Variants in PLCE1 observed in about 807,000 individuals in gnomAD.
PLCE1 encodes the protein phospholipase C epsilon 1.
In PLCE1, 119 loss-of-function variants were observed where a neutral mutation model predicts 242.8. That is an observed-to-expected ratio of 0.49 (90% CI 0.42 to 0.57). The LOEUF (loss-of-function observed/expected upper bound fraction) is 0.57. Among genes scored for constraint, PLCE1 ranks in the 20% least tolerant of loss-of-function variants. PLCE1 has a pLI of 0.00. For synonymous variants in PLCE1, 945 were observed against 1,017.4 expected (o/e 0.93, Z 1.35); for missense variants, 2,441 against 2,788.8 (o/e 0.88, Z 2.81).
intron 8 of PLCE1, among the ~76,000 whole-genome samples, chr10:94,251,360 C>T (rs918614835): frequency 2.6e-5 from 4 of 152,168 alleles, no homozygotes; most frequent in African/African-American, 9.7e-5. Flanking sequence ...CACACACACA[C>T]AAAGCTTCTT....
chr10:94,175,324 T>A (rs1242339607), intron 4 of PLCE1, among the ~76,000 whole-genome samples: 1 of 152,194 alleles, frequency 6.6e-6, no homozygotes, highest in African/African-American at 2.4e-5. Context: ...TACTTCTCTT[T>A]CTGATTTTTA....
intron 2 of PLCE1, among the ~76,000 whole-genome samples, chr10:94,044,813 A>ATT (rs140708317): frequency 1.1e-4 from 16 of 151,774 alleles, no homozygotes; most frequent in Non-Finnish European, 1.9e-4. Context: ...CAAAACTTCG[A>ATT]TTTTTTTTTC....
Position 94,031,359 on chromosome 10 carries a change from A to T in PLCE1, c.313A>T (p.Asn105Tyr). ...AGATTCTGCGAAAAACCTTAACATT[A>T]ACTGCAACAACATATTGAGAAACCA... ...MPDSAKNLNI[N>Y]CNNILRNHQH... The change falls in exon 2 of 33, where the codon AAC becomes TAC. Residue 105 changes from asparagine (N) to tyrosine (Y), a missense_variant. Asn to Tyr is a moderately radical substitution (Grantham distance 143, BLOSUM62 -2). Around this residue, in one of 5 missense-constraint regions of PLCE1, gnomAD observed 393 missense variants for 378.5 expected, o/e 1.04. Coordinates refer to ENST00000371380, the MANE Select transcript of PLCE1 (RefSeq NM_016341.4). The T allele has an allele frequency of 6.2e-7, 1 of 1,613,886 alleles. No homozygotes were observed. The highest frequency in any genetic ancestry group is 8.5e-7 in the Non-Finnish European group (1 of 1,179,832).
chr10:94,288,722 G>A (rs905440938), intron 22 of PLCE1, among the ~76,000 whole-genome samples: 1 of 152,076 alleles, frequency 6.6e-6, no homozygotes, highest in Non-Finnish European at 1.5e-5. Flanking sequence ...GGTGAGGCTC[G>A]TCCGGAAGAT....
At chr10:94,144,376 T>C (rs2047055774) in intron 3 of PLCE1, among the ~76,000 whole-genome samples, 1 of 152,138 alleles carries the variant, frequency 6.6e-6, no homozygotes, top group Admixed American at 6.5e-5. Context: ...TGGAGGTTCA[T>C]TTGACTACAG....
chr10:94,270,644 G>A, intron 18 of PLCE1, 42 bp downstream of exon 18: 2 of 1,160,466 alleles, frequency 1.7e-6, no homozygotes, highest in Non-Finnish European at 2.6e-6. Context: ...GTTGGCCCTT[G>A]TTTTGCAATT....
intron 19 of PLCE1, among the ~76,000 whole-genome samples, chr10:94,277,273 A>G (rs2051989790): frequency 1.3e-5 from 2 of 152,178 alleles, no homozygotes; most frequent in Non-Finnish European, 2.9e-5. Context: ...CACTGCGGCT[A>G]GGTACTGGGG....
intron 2 of PLCE1, among the ~76,000 whole-genome samples, chr10:94,067,475 G>A (rs533341283): frequency 3.8e-4 from 58 of 152,272 alleles, no homozygotes; most frequent in African/African-American, 1.3e-3. Flanking sequence ...TTAAAAGCCA[G>A]AGTTTTTGTT....
intron 7 of PLCE1, among the ~76,000 whole-genome samples, chr10:94,241,597 CTGGCCAAGA>C (rs1162441435): frequency 6.6e-6 from 1 of 152,102 alleles, no homozygotes; most frequent in Non-Finnish European, 1.5e-5. Flanking sequence ...CAAGACCAGC[CTGGCCAAGA>C]TGGTGAAACC....
At chr10:94,032,490 A>G (rs1173967924) in intron 2 of PLCE1, among the ~76,000 whole-genome samples, 2 of 152,116 alleles carry the variant, frequency 1.3e-5, no homozygotes, top group African/African-American at 4.8e-5. Flanking sequence ...GAGTGGAGGA[A>G]TTAGGGAGAT....
At chr10:94,285,621 G>C (rs1051739392) in intron 22 of PLCE1, among the ~76,000 whole-genome samples, 1 of 152,114 alleles carries the variant, frequency 6.6e-6, no homozygotes, top group African/African-American at 2.4e-5. Flanking sequence ...CATGCTTCCA[G>C]TTTCAGCTTC....
chr10:94,246,746 C>G, intron 8 of PLCE1, 125 bp downstream of exon 8: 1 of 826,340 alleles, frequency 1.2e-6, no homozygotes, highest in Non-Finnish European at 2.0e-6. Flanking sequence ...CCTTGGGCAG[C>G]TTTTACTTAA....
intron 24 of PLCE1, among the ~76,000 whole-genome samples, chr10:94,303,102 C>T (rs2053092807): frequency 6.6e-6 from 1 of 152,232 alleles, no homozygotes; most frequent in Non-Finnish European, 1.5e-5. Flanking sequence ...ATGTCTAAGA[C>T]ATCTTACACT....
chr10:94,265,521 G>T, intron 14 of PLCE1, 126 bp from the exon 15 acceptor site: 1 of 824,164 alleles, frequency 1.2e-6, no homozygotes. Context: ...TACTAAATTA[G>T]TTCAAATATT....
chr10:94,322,088 TC>T lies in PLCE1; in HGVS notation c.6501+31del, dbSNP rs781000081. On this transcript the variant is annotated intron_variant, in intron 30 of 32. Coordinates refer to ENST00000371380, the MANE Select transcript of PLCE1 (RefSeq NM_016341.4). Reference sequence around the variant, plus strand: ...AAAGCCTCTCCCTTCCTCACCTGAGTCCTTTCCTCAGCATAAATTATTGGAA... The same window carrying T: ...AAAGCCTCTCCCTTCCTCACCTGAGTCTTTCCTCAGCATAAATTATTGGAA... The T allele has an allele frequency of 1.0e-5, 16 of 1,605,026 alleles. No homozygotes were observed. In the African/African-American group the frequency reaches 2.1e-4, roughly 21 times the overall value.
At position 94,062,503 on chromosome 10, in the gene PLCE1, G is replaced by A. The variant is rs140915336; in HGVS notation, c.1206+30251G>A. On this transcript the variant is annotated intron_variant, in intron 2 of 32. Coordinates refer to ENST00000371380, the MANE Select transcript of PLCE1 (RefSeq NM_016341.4). ...TTATGTGAGAATTAAATGAGAATTT[G>A]CAGAGCACTTCATAATTCACACCAT... Among the ~76,000 whole-genome samples the A allele has an allele frequency of 2.6e-5, 4 of 151,658 alleles. No individual in the cohort carries two copies. In the East Asian group the frequency reaches 7.8e-4, roughly 29 times the overall value.
chr10:94,310,798 A>C (rs1164738251), intron 27 of PLCE1, among the ~76,000 whole-genome samples: 1 of 152,120 alleles, frequency 6.6e-6, no homozygotes, highest in African/African-American at 2.4e-5. Flanking sequence ...TGGGTGTCCT[A>C]CATTTCAGTT....
intron 3 of PLCE1, among the ~76,000 whole-genome samples, chr10:94,154,457 A>G (rs1254836751): frequency 6.6e-6 from 1 of 152,242 alleles, no homozygotes; most frequent in Non-Finnish European, 1.5e-5. Context: ...AAACAAAAAA[A>G]TAGATAAATT....
intron 4 of PLCE1, among the ~76,000 whole-genome samples, chr10:94,211,284 C>T (rs2049323394): frequency 6.6e-6 from 1 of 152,186 alleles, no homozygotes; most frequent in African/African-American, 2.4e-5. Context: ...CTATGAAGGC[C>T]TACAGAGGGA....
Sources: allele counts gnomAD v4.1 joint callset (sites outside exome capture counted in the v4.1 genomes callset), GRCh38; gene constraint gnomAD v4.1.1; regional missense constraint gnomAD v4.1.1; transcripts MANE v1.5; gene names NCBI Gene and HGNC (gene_info 2026-07-23, HGNC 2026-07-21).